PCTP: variants seen among roughly 807,000 people sequenced by gnomAD.
PCTP encodes the protein phosphatidylcholine transfer protein.
Under a neutral mutation model 31.0 loss-of-function variants are expected in PCTP, and 27 were observed. That is an observed-to-expected ratio of 0.87 (90% CI 0.64 to 1.20). The LOEUF is 1.20. Ranked by LOEUF, PCTP falls within the 50% of genes most tolerant of loss-of-function variation. PCTP has a pLI of 0.00. For synonymous variants in PCTP, 108 were observed against 101.2 expected (o/e 1.07, Z -0.40); for missense variants, 287 against 268.2 (o/e 1.07, Z -0.49).
chr17:55,809,157 GA>G (rs1912669877), intron 3 of PCTP, among the ~76,000 whole-genome samples: 1 of 152,068 alleles, frequency 6.6e-6, no homozygotes. Context: ...ATTCTGACAT[GA>G]AAAAATAATA....
chr17:55,787,860 G>T (rs1911807294), intron 3 of PCTP, among the ~76,000 whole-genome samples: 1 of 151,928 alleles, frequency 6.6e-6, no homozygotes. Flanking sequence ...ATAATTTTCT[G>T]ACCCCTTATC....
At chr17:55,820,297 A>G (rs564167382) in intron 3 of PCTP, among the ~76,000 whole-genome samples, 1 of 152,354 alleles carries the variant, frequency 6.6e-6, no homozygotes, top group East Asian at 1.9e-4. Flanking sequence ...TGTTGCTATA[A>G]CAAAATACTG....
chr17:55,781,014 A>T (rs1911544905), downstream of PCTP, among the ~76,000 whole-genome samples: 1 of 84,158 alleles, frequency 1.2e-5, no homozygotes, highest in Non-Finnish European at 2.4e-5. Flanking sequence ...CACAGCATGT[A>T]AAAAAAAAAA....
chr17:55,751,447 G>A lies in PCTP; in HGVS notation c.141+203G>A, dbSNP rs936530491. Reference sequence around the variant, plus strand: ...AAGTGACTGCCGTGCAGATCCAGGGGAGTTGGAAGGTCACAGGAGTTCAGC... The same window carrying A: ...AAGTGACTGCCGTGCAGATCCAGGGAAGTTGGAAGGTCACAGGAGTTCAGC... On this transcript the variant is annotated intron_variant, in intron 1 of 5. Coordinates refer to ENST00000268896, the MANE Select transcript of PCTP (RefSeq NM_021213.4). The A allele has an allele frequency of 3.9e-6, 6 of 1,533,492 alleles. No individual in the cohort carries two copies. In the African/African-American group the frequency reaches 6.8e-5, roughly 18 times the overall value. 95.0% of individuals were successfully genotyped at this position (1,533,492 alleles called of 1,614,324 possible).
chr17:55,765,050 A>G (rs1358957152), intron 1 of PCTP, among the ~76,000 whole-genome samples: 2 of 151,888 alleles, frequency 1.3e-5, no homozygotes, highest in Non-Finnish European at 2.9e-5. Context: ...AAACAAGGGA[A>G]CTCTCTTGTA....
At chr17:55,752,742 G>T (rs1223855455) in intron 1 of PCTP, among the ~76,000 whole-genome samples, 1 of 152,122 alleles carries the variant, frequency 6.6e-6, no homozygotes, top group Non-Finnish European at 1.5e-5. Context: ...TATCTTGATG[G>T]ATTACTCACT....
intron 5 of PCTP, among the ~76,000 whole-genome samples, chr17:55,840,024 G>A (rs1172554369): frequency 6.7e-6 from 1 of 150,230 alleles, no homozygotes; most frequent in East Asian, 1.9e-4. Context: ...AGTGATGGAT[G>A]TCTTTTTATT....
At chr17:55,833,432 A>G (rs903708758) in intron 5 of PCTP, among the ~76,000 whole-genome samples, 1 of 152,242 alleles carries the variant, frequency 6.6e-6, no homozygotes, top group Admixed American at 6.5e-5. Context: ...TGAACAATTT[A>G]TCCACAGTGC....
intron 5 of PCTP, among the ~76,000 whole-genome samples, chr17:55,829,373 C>T (rs1055836192): frequency 3.9e-5 from 6 of 152,022 alleles, no homozygotes; most frequent in Non-Finnish European, 7.4e-5. Flanking sequence ...TGCAATGGTG[C>T]GATCTCGGCT....
chr17:55,818,543 C>T (rs1248733638), intron 3 of PCTP, among the ~76,000 whole-genome samples: 1 of 151,718 alleles, frequency 6.6e-6, no homozygotes, highest in African/African-American at 2.4e-5. Context: ...ATGGGTCAAA[C>T]AAAAAACAAC....
At chr17:55,814,758 A>C (rs1912864381) in intron 3 of PCTP, among the ~76,000 whole-genome samples, 1 of 152,208 alleles carries the variant, frequency 6.6e-6, no homozygotes, top group East Asian at 1.9e-4. Flanking sequence ...TCACAGGGGC[A>C]AGACAGACAC....
chr17:55,778,917 C>T (rs923303075), downstream of PCTP, among the ~76,000 whole-genome samples: 3 of 152,140 alleles, frequency 2.0e-5, no homozygotes, highest in Admixed American at 6.5e-5. Flanking sequence ...AGGGTCACTT[C>T]CCTTGAAAAT....
chr17:55,753,453 C>G (rs1349399368), intron 1 of PCTP, among the ~76,000 whole-genome samples: 1 of 152,176 alleles, frequency 6.6e-6, no homozygotes, highest in Admixed American at 6.5e-5. Flanking sequence ...TTACTCAATC[C>G]TTGCATCAAC....
Position 55,834,043 on chromosome 17 carries a change from T to A in PCTP, n.506-8684T>A, listed in dbSNP as rs145189061. 7.5e-3 allele frequency among the ~76,000 whole-genome samples: 1,137 copies of A among 152,200 alleles called. 10 individuals are homozygous for A. Among genetic ancestry groups the A allele is most frequent in the Middle Eastern group, 0.058 (17 of 294 alleles). On this transcript the variant is annotated intron_variant and non_coding_transcript_variant, in intron 5 of 5. Transcript: ENST00000576221. ...AGGTGAATTAGAATAATGAAAGAGG[T>A]GTATCTCACGAAACACAAGCATAAG... is the stretch of plus-strand genomic sequence containing the variant.
intron 3 of PCTP, among the ~76,000 whole-genome samples, chr17:55,819,939 C>A (rs535446234): frequency 2.2e-4 from 33 of 152,176 alleles, no homozygotes; most frequent in African/African-American, 7.5e-4. Context: ...TCTTTTTCAA[C>A]AAATGGTACT....
chr17:55,758,223 G>A (rs1910150269), intron 1 of PCTP, among the ~76,000 whole-genome samples: 1 of 152,238 alleles, frequency 6.6e-6, no homozygotes, highest in African/African-American at 2.4e-5. Flanking sequence ...GGCACTGTGA[G>A]AAGGGGCAGC....
At chr17:55,852,613 T>C in the PCTP span, among the ~76,000 whole-genome samples, 2 of 152,258 alleles carry the variant, frequency 1.3e-5, no homozygotes, top group African/African-American at 4.8e-5. Flanking sequence ...CTAGTGTTTT[T>C]AATATCATTT....
chr17:55,777,104 C>G lies in PCTP; in HGVS notation c.*1004C>G. 1 of 985,820 alleles carries G rather than the reference C, an allele frequency of 1.0e-6. No individual in the cohort carries two copies. The highest frequency in any genetic ancestry group is 1.2e-6 in the Non-Finnish European group (1 of 829,914). The allele number at this position is 985,820 out of a possible 1,614,324, so 61.1% of individuals were successfully genotyped here. A position where few individuals can be genotyped will look rare whatever the true frequency, so the allele number is the denominator to read the frequency against. On this transcript the variant is annotated 3_prime_UTR_variant, in exon 6 of 6. Coordinates refer to ENST00000268896, the MANE Select transcript of PCTP (RefSeq NM_021213.4). ...CAGGAATTCTGCCTAAGTTGTCTGC[C>G]TTTTCTACCACCAAAAAGACTTTTA...
rs141198528 is a variant in PCTP at position 55,796,558 on chromosome 17, G to T, written c.317+8904G>T. ...GGAAAGCGTCAGCAGACATAGCTAA[G>T]CATTTGCCATCCCTGGATTAGCAGG... On this transcript the variant is annotated intron_variant, in intron 3 of 3. Transcript: ENST00000572536. 5.3e-4 allele frequency among the ~76,000 whole-genome samples: 80 copies of T among 152,132 alleles called. 1 individual carries two copies. The East Asian group carries it at 0.013, about 24-fold the overall frequency.
Sources: gnomAD v4.1 joint callset for allele counts (sites outside exome capture counted in the v4.1 genomes callset) on GRCh38, gnomAD v4.1.1 for gene constraint, MANE v1.5 for transcripts, NCBI Gene and HGNC (gene_info 2026-07-23, HGNC 2026-07-21) for gene names.